Variants in SIL1 observed in about 807,000 individuals in gnomAD.
The protein encoded by SIL1 is SIL1 nucleotide exchange factor, also known as nucleotide exchange factor SIL1.
Under a neutral mutation model 49.1 loss-of-function variants are expected in SIL1, and 40 were observed. The observed-to-expected ratio is 0.81, with a 90% confidence interval of 0.63 to 1.06. The LOEUF is 1.06. Among genes scored for constraint, SIL1 ranks in the 50% least tolerant of loss-of-function variants. SIL1 has a pLI of 0.00. For synonymous variants in SIL1, 253 were observed against 250.8 expected (o/e 1.01, Z -0.08); for missense variants, 500 against 572.6 (o/e 0.87, Z 1.29).
At chr5:139,001,339 A>G (rs549118484) in intron 7 of SIL1, among the ~76,000 whole-genome samples, 59 of 152,346 alleles carry the variant, frequency 3.9e-4, no homozygotes, top group African/African-American at 1.4e-3. Flanking sequence ...ATAACCTAGC[A>G]ATTCTACTTT....
chr5:139,116,178 A>C (rs1346229206), intron 3 of SIL1, among the ~76,000 whole-genome samples: 2 of 152,246 alleles, frequency 1.3e-5, no homozygotes, highest in African/African-American at 4.8e-5. Flanking sequence ...TAGTTGGTCT[A>C]CTATAAATGA....
chr5:138,950,478 G>A (rs1029957748), intron 9 of SIL1, among the ~76,000 whole-genome samples: 4 of 152,188 alleles, frequency 2.6e-5, no homozygotes, highest in African/African-American at 4.8e-5. Flanking sequence ...TCCACCATTC[G>A]GCAGCAGTTC....
chr5:139,052,844 T>C (rs998993122), intron 3 of SIL1, among the ~76,000 whole-genome samples: 2 of 152,032 alleles, frequency 1.3e-5, no homozygotes, highest in African/African-American at 2.4e-5. Flanking sequence ...CGGAACCCAA[T>C]AGGCCACAGA....
chr5:139,045,979 C>A (rs1769150459), intron 4 of SIL1, among the ~76,000 whole-genome samples: 1 of 152,184 alleles, frequency 6.6e-6, no homozygotes, highest in Admixed American at 6.5e-5. Flanking sequence ...CTTCTTTTGT[C>A]CACCTTCAAT....
intron 3 of SIL1, among the ~76,000 whole-genome samples, chr5:139,067,196 A>C (rs552834082): frequency 6.6e-6 from 1 of 152,218 alleles, no homozygotes; most frequent in Non-Finnish European, 1.5e-5. Flanking sequence ...ATAAGGGGAA[A>C]ATAAACTTCT....
At chr5:139,056,718 C>T (rs993058842) in intron 3 of SIL1, among the ~76,000 whole-genome samples, 2 of 151,470 alleles carry the variant, frequency 1.3e-5, no homozygotes, top group African/African-American at 4.9e-5. Flanking sequence ...CCCGCCCGGC[C>T]AGCCGCCCCG....
At chr5:139,128,917 T>C (rs1750807230) in intron 1 of SIL1, among the ~76,000 whole-genome samples, 1 of 152,152 alleles carries the variant, frequency 6.6e-6, no homozygotes, top group Non-Finnish European at 1.5e-5. Context: ...GCAAGGCCAA[T>C]GGGTGGAGTG....
At chr5:138,973,517 A>G (rs1445824711) in intron 7 of SIL1, among the ~76,000 whole-genome samples, 1 of 152,136 alleles carries the variant, frequency 6.6e-6, no homozygotes, top group Non-Finnish European at 1.5e-5. Context: ...GCTGGAGTAC[A>G]GTGGTGTGAT....
At chr5:139,085,951 A>G (rs1040366287) in intron 3 of SIL1, among the ~76,000 whole-genome samples, 1 of 152,154 alleles carries the variant, frequency 6.6e-6, no homozygotes, top group East Asian at 1.9e-4. Context: ...AATGGACTCC[A>G]GTGAAACAAC....
At chr5:139,034,494 G>GT (rs1351053550) in intron 5 of SIL1, 2 of 151,976 alleles carry the variant, frequency 1.3e-5, no homozygotes, top group Non-Finnish European at 2.9e-5. Context: ...GAGTGTAACT[G>GT]TTTGTATAGT....
At chr5:138,951,958 T>C in intron 7 of SIL1, 74 bp from the exon 8 acceptor site, 1 of 1,296,376 alleles carries the variant, frequency 7.7e-7, no homozygotes, top group Non-Finnish European at 1.1e-6. Context: ...ACTGAGCCCA[T>C]GTCAGCCATC....
chr5:138,969,912 T>C (rs1476371026), intron 7 of SIL1, among the ~76,000 whole-genome samples: 1 of 152,148 alleles, frequency 6.6e-6, no homozygotes, highest in Non-Finnish European at 1.5e-5. Flanking sequence ...CCCTGATGTT[T>C]TAGGCACAAT....
At chr5:139,036,487 T>A (rs1159503955) in intron 5 of SIL1, among the ~76,000 whole-genome samples, 1 of 152,192 alleles carries the variant, frequency 6.6e-6, no homozygotes, top group Non-Finnish European at 1.5e-5. Context: ...AAAGATAGAC[T>A]GGGCAAAGAC....
intron 3 of SIL1, among the ~76,000 whole-genome samples, chr5:139,102,383 T>C (rs984390057): frequency 3.3e-5 from 5 of 151,982 alleles, no homozygotes; most frequent in African/African-American, 1.2e-4. Flanking sequence ...ATCTGCACAG[T>C]GGGATTTGGG....
At chr5:138,990,356 G>A (rs1767729786) in intron 7 of SIL1, among the ~76,000 whole-genome samples, 1 of 152,194 alleles carries the variant, frequency 6.6e-6, no homozygotes, top group African/African-American at 2.4e-5. Flanking sequence ...TCCTTGCCAT[G>A]AGAATCTAAA....
At position 139,183,167 on chromosome 5, in the gene SIL1, G is replaced by A. The variant is rs540555528; in HGVS notation, c.-11+15102C>T. ...TTTCTAGGGCAAACCTCTCTGGCCC[G>A]GCACAGGTCAGGTCTGGGTAAGGAA... On this transcript the variant is annotated intron_variant, in intron 1 of 9. Coordinates refer to ENST00000394817, the MANE Select transcript of SIL1 (RefSeq NM_022464.5). 5.9e-5 allele frequency among the ~76,000 whole-genome samples: 9 copies of A among 152,272 alleles called. No homozygotes were observed. In the East Asian group the frequency reaches 7.7e-4, roughly 13 times the overall value.
intron 1 of SIL1, among the ~76,000 whole-genome samples, chr5:139,165,948 C>T (rs1299840225): frequency 1.3e-5 from 2 of 152,130 alleles, no homozygotes; most frequent in Non-Finnish European, 2.9e-5. Context: ...CAGGCCTGAG[C>T]CACCACGCCT....
intron 3 of SIL1, among the ~76,000 whole-genome samples, chr5:139,071,507 TC>T (rs1769833751): frequency 6.6e-6 from 1 of 152,160 alleles, no homozygotes; most frequent in Non-Finnish European, 1.5e-5. Flanking sequence ...TGTATAATTT[TC>T]TATATCTGTG....
At chr5:138,985,676 A>C (rs1767634984) in intron 7 of SIL1, among the ~76,000 whole-genome samples, 1 of 152,206 alleles carries the variant, frequency 6.6e-6, no homozygotes, top group Non-Finnish European at 1.5e-5. Context: ...ATGGCTTAAA[A>C]GTCAGTTCTC....
Sources: allele counts gnomAD v4.1 joint callset (sites outside exome capture counted in the v4.1 genomes callset), GRCh38; gene constraint gnomAD v4.1.1; transcripts MANE v1.5; gene names NCBI Gene and HGNC (gene_info 2026-07-23, HGNC 2026-07-21).